Variants in DYNC1H1 observed in about 807,000 individuals in gnomAD.
The protein encoded by DYNC1H1 is cytoplasmic dynein 1 heavy chain 1.
DYNC1H1 carries 51 observed loss-of-function variants against 527.1 expected under a neutral mutation model. The observed-to-expected ratio is 0.10, with a 90% CI of 0.08 to 0.12. The LOEUF is 0.12. Among genes scored for constraint, DYNC1H1 ranks in the 10% least tolerant of loss-of-function variants. The probability of loss-of-function intolerance (pLI) is 1.00; values close to 1 mark genes in which losing one functional copy is unlikely to be tolerated. For synonymous variants in DYNC1H1, 2,189 were observed against 2,278.8 expected (o/e 0.96, Z 1.12); for missense variants, 2,771 against 5,971.8 (o/e 0.46, Z 17.66).
At chr14:102,028,964 T>C (rs576600473) in intron 48 of DYNC1H1, 1 of 167,596 alleles carries the variant, frequency 6.0e-6, no homozygotes, top group South Asian at 1.5e-4. Context: ...CATGTTTTGC[T>C]AATCCTTGCT....
Position 102,010,621 on chromosome 14 carries a change from G to A in DYNC1H1, c.6406-119G>A. ...CCAGTGAGTCGAGTGCACGAATGTG[G>A]GCGAGTGGTGCTCGCACCCTTTGTT... On this transcript the variant is annotated intron_variant, in intron 31 of 77. Coordinates refer to ENST00000360184, the MANE Select transcript of DYNC1H1 (RefSeq NM_001376.5). The surrounding 1 kb of genome is among the most constrained non-coding windows in gnomAD (Gnocchi z 6.0). 6.7e-7 allele frequency: 1 copy of A among 1,500,654 alleles called. No individual in the cohort carries two copies. Among genetic ancestry groups the A allele is most frequent in the Non-Finnish European group, 9.1e-7 (1 of 1,095,216 alleles). The allele number at this position is 1,500,654 out of a possible 1,614,324, so 93.0% of individuals were successfully genotyped here. A position where few individuals can be genotyped will look rare whatever the true frequency, so the allele number is the denominator to read the frequency against.
chr14:102,027,590 C>T lies in DYNC1H1; in HGVS notation c.9049-29C>T. On this transcript the variant is annotated intron_variant, in intron 46 of 77. Coordinates refer to ENST00000360184, the MANE Select transcript of DYNC1H1 (RefSeq NM_001376.5). The surrounding 1 kb of genome is among the most constrained non-coding windows in gnomAD (Gnocchi z 7.7). ...GTTGCATTACGTGTTACCGGGGGAC[C>T]AGTAAGTCAGCACTGTGCTGTTTCC... 1 of 1,614,126 alleles carries T rather than the reference C, an allele frequency of 6.2e-7. No individual in the cohort carries two copies.
At chr14:101,980,339 C>A (rs779439045) in intron 4 of DYNC1H1, 25 bp from the exon 5 acceptor site, 1 of 1,612,742 alleles carries the variant, frequency 6.2e-7, no homozygotes, top group Admixed American at 1.7e-5. Context: ...AGTGAATACC[C>A]TTGGGTGTTA....
chr14:102,002,752 T>C lies in DYNC1H1; in HGVS notation c.4710-40T>C. 1 of 1,614,220 alleles carries C rather than the reference T, an allele frequency of 6.2e-7. No homozygotes were observed. On this transcript the variant is annotated intron_variant, in intron 22 of 77. Transcript: ENST00000360184. The surrounding 1 kb of genome is among the most constrained non-coding windows in gnomAD (Gnocchi z 4.4). ...AAATTTGCCAGCGGCTAGTGACTAC[T>C]CTACACAAAGGCTGACGCATGTTTT...
At chr14:101,998,235 G>T (rs530481416) in intron 16 of DYNC1H1, among the ~76,000 whole-genome samples, 1 of 138,528 alleles carries the variant, frequency 7.2e-6, no homozygotes, top group East Asian at 2.3e-4. Flanking sequence ...GCGCTGATCC[G>T]ATAATACAAA....
At chr14:101,978,416 A>G (rs2047826688) in intron 2 of DYNC1H1, among the ~76,000 whole-genome samples, 2 of 151,888 alleles carry the variant, frequency 1.3e-5, no homozygotes, top group South Asian at 4.1e-4. Flanking sequence ...CAAGGGATCT[A>G]CTCACCTTAG....
At position 102,002,436 on chromosome 14, in the gene DYNC1H1, AT is replaced by A; in HGVS notation, c.4543-99del. Reference sequence around the variant, plus strand: ...ACTTGTTGTTTAAAATGTGAATCAGATTACTTCATGAGATCCTGATCTGCGC... The same window carrying A: ...ACTTGTTGTTTAAAATGTGAATCAGATACTTCATGAGATCCTGATCTGCGC... On this transcript the variant is annotated intron_variant, in intron 21 of 77. Coordinates refer to ENST00000360184, the MANE Select transcript of DYNC1H1 (RefSeq NM_001376.5). This position sits in a 1 kb window ranked among gnomAD's most constrained non-coding sequence, Gnocchi z 4.4. 6.8e-7 allele frequency: 1 copy of A among 1,479,002 alleles called. No homozygotes were observed. 91.6% of individuals were successfully genotyped at this position (1,479,002 alleles called of 1,614,324 possible).
At position 102,033,373 on chromosome 14, in the gene DYNC1H1, G is replaced by A. The variant is rs761858922; in HGVS notation, c.10302G>A (p.Glu3434=). 5.6e-6 allele frequency: 9 copies of A among 1,614,102 alleles called. No homozygotes were observed. The Admixed American group carries it at 1.3e-4, about 24-fold the overall frequency. Residue 3434 remains glutamate (E), a synonymous_variant, in exon 54 of 78, where the codon GAG becomes GAA. Transcript: ENST00000360184. This position sits in a 1 kb window ranked among gnomAD's most constrained non-coding sequence, Gnocchi z 5.6. ...ACCAGCAGAAGGCCAACGAGGTGGA[G>A]CAGATGATCCGAGACCTGGAAGCCA... ...KDNQQKANEV[E]QMIRDLEASI...
Position 102,039,683 on chromosome 14 carries a change from A to G in DYNC1H1, c.11641A>G (p.Ile3881Val). ...VARGMLHQDH[I>V]TFAMLLARIK... ...TCGAGGCATGCTGCATCAGGACCAC[A>G]TTACCTTTGCCATGCTGCTGGCAAG... is the stretch of plus-strand genomic sequence containing the variant. Residue 3881 changes from isoleucine (I) to valine (V), a missense_variant, in exon 62 of 78, where the codon ATT (isoleucine) becomes GTT (valine). Ile to Val is a conservative substitution (Grantham distance 29). Around this residue, in one of 32 missense-constraint regions of DYNC1H1, gnomAD observed 283 missense variants for 737.6 expected, o/e 0.38. Transcript: ENST00000360184. The surrounding 1 kb of genome is among the most constrained non-coding windows in gnomAD (Gnocchi z 7.0). 1.9e-6 allele frequency: 3 copies of G among 1,614,172 alleles called. No homozygotes were observed. Among genetic ancestry groups the G allele is most frequent in the Non-Finnish European group, 2.5e-6 (3 of 1,180,038 alleles).
chr14:101,980,060 A>G (rs1395287335), intron 4 of DYNC1H1, 86 bp downstream of exon 4: 1 of 1,592,396 alleles, frequency 6.3e-7, no homozygotes, highest in Admixed American at 1.7e-5. Flanking sequence ...TAAGTGAGGT[A>G]AATTATGTGA....
Position 102,016,192 on chromosome 14 carries a change from G to A in DYNC1H1, c.7473+106G>A, listed in dbSNP as rs892853368. On this transcript the variant is annotated intron_variant, in intron 36 of 77. Transcript: ENST00000360184. This position sits in a 1 kb window ranked among gnomAD's most constrained non-coding sequence, Gnocchi z 7.3. ...TGGGGATGTGCGCTCTCTCCTAGGC[G>A]AGGCAGAGCCTTCGTTGAGGGGCTA... 11 of 1,509,650 alleles carry A rather than the reference G, an allele frequency of 7.3e-6. No individual in the cohort carries two copies. Among genetic ancestry groups the A allele is most frequent in the African/African-American group, 4.2e-5 (3 of 71,966 alleles). The allele number at this position is 1,509,650 out of a possible 1,614,324, so 93.5% of individuals were successfully genotyped here. A position where few individuals can be genotyped will look rare whatever the true frequency, so the allele number is the denominator to read the frequency against.
rs2048126636 is a variant in DYNC1H1 at position 102,001,195 on chromosome 14, T to C, written c.4236T>C (p.His1412=). The change falls in exon 20 of 78, where the codon CAT becomes CAC. Residue 1412 remains histidine (H), a synonymous_variant. Coordinates refer to ENST00000360184, the MANE Select transcript of DYNC1H1 (RefSeq NM_001376.5). This position sits in a 1 kb window ranked among gnomAD's most constrained non-coding sequence, Gnocchi z 5.0. ...AATCCGAAGCACTTAAAGACCGCCATTGGAAACAGCTCATGAAAAGGCTTC... is the reference window on the plus strand; with the variant it reads ...AATCCGAAGCACTTAAAGACCGCCACTGGAAACAGCTCATGAAAAGGCTTC... ...ELKSEALKDR[H]WKQLMKRLHV... is the part of the protein sequence containing the mutation. 3 of 1,614,210 alleles carry C rather than the reference T, an allele frequency of 1.9e-6. No homozygotes were observed. The highest frequency in any genetic ancestry group is 1.7e-6 in the Non-Finnish European group (2 of 1,180,038).
chr14:102,017,264 G>A lies in DYNC1H1; in HGVS notation c.8025G>A (p.Gly2675=), dbSNP rs1221039571. ...ACTTGCCAGATATGGATAAATATGG[G>A]ACCCAGAGGGTCATATCCTTCATCA... ...EINLPDMDKY[G]TQRVISFIRQ... The change falls in exon 39 of 78, where the codon GGG becomes GGA. Residue 2675 remains glycine, a synonymous_variant. Coordinates refer to ENST00000360184, the MANE Select transcript of DYNC1H1 (RefSeq NM_001376.5). The surrounding 1 kb of genome is among the most constrained non-coding windows in gnomAD (Gnocchi z 4.6). The A allele has an allele frequency of 1.2e-6, 2 of 1,614,120 alleles. No homozygotes were observed. The highest frequency in any genetic ancestry group is 2.7e-5 in the African/African-American group (2 of 74,936).
chr14:101,981,079 GTTTTTTGTTT>G (rs1566996934), intron 5 of DYNC1H1, among the ~76,000 whole-genome samples: 1 of 151,858 alleles, frequency 6.6e-6, no homozygotes, highest in Non-Finnish European at 1.5e-5. Context: ...CAGTGATGTT[GTTTTTTGTTT>G]TGTTTTGTTT....
At position 102,056,148 on chromosome 14, in the gene DYNC1H1, A is replaced by G. The variant is rs759438078; in HGVS notation, c.*5585A>G. 1 of 152,278 alleles carries G rather than the reference A, an allele frequency of 6.6e-6. No homozygotes were observed. Among genetic ancestry groups the G allele is most frequent in the East Asian group, 1.9e-4 (1 of 5,186 alleles). The allele number at this position is 152,278 out of a possible 1,614,324, so 9.4% of individuals were successfully genotyped here. On this transcript the variant is annotated 3_prime_UTR_variant, in exon 78 of 78. Coordinates refer to ENST00000360184, the MANE Select transcript of DYNC1H1 (RefSeq NM_001376.5). ...CCAGGCCTGGGCCTGCCTGGCCTAA[A>G]CCTAGTCGTTAAAAATCAGCTCATG...
chr14:101,999,082 ATG>A (rs2048101085), intron 16 of DYNC1H1, among the ~76,000 whole-genome samples: 1 of 151,830 alleles, frequency 6.6e-6, no homozygotes, highest in East Asian at 1.9e-4. Context: ...CGGGGTTTCA[ATG>A]TGTTAGCCAG....
chr14:101,992,540 T>C (rs1471556574), intron 11 of DYNC1H1, among the ~76,000 whole-genome samples: 1 of 152,184 alleles, frequency 6.6e-6, no homozygotes, highest in Non-Finnish European at 1.5e-5. Flanking sequence ...GCCAGCAGTC[T>C]CCTTTTTCCC....
rs754304651 is a variant in DYNC1H1 at position 102,043,826 on chromosome 14, C to A, written c.12514-49C>A. The A allele has an allele frequency of 3.1e-6, 5 of 1,613,232 alleles. No homozygotes were observed. The Admixed American group carries it at 8.3e-5, about 27-fold the overall frequency. On this transcript the variant is annotated intron_variant, in intron 69 of 77. Transcript: ENST00000360184. ...GACCTGGCATCTGCACTGTTCTTGG[C>A]GAAGTGCTGTTTTCTAATGACTCTG...
At chr14:102,004,003 T>A (rs12883813) in intron 23 of DYNC1H1, among the ~76,000 whole-genome samples, 31,776 of 151,272 alleles carry the variant, frequency 0.21, 4,384 homozygotes, top group African/African-American at 0.39. Context: ...GCACTTTGGG[T>A]GGCCGAGGCG....
Sources: allele counts gnomAD v4.1 joint callset (sites outside exome capture counted in the v4.1 genomes callset), GRCh38; gene constraint gnomAD v4.1.1; regional missense constraint gnomAD v4.1.1; non-coding constraint Gnocchi (gnomAD v3.1); transcripts MANE v1.5; gene names NCBI Gene and HGNC (gene_info 2026-07-23, HGNC 2026-07-21).